LARGE1: variants seen among roughly 807,000 people sequenced by gnomAD.
LARGE1 encodes the protein LARGE xylosyl- and glucuronyltransferase 1, also known as xylosyl- and glucuronyltransferase LARGE1.
A neutral mutation model predicts 87.6 loss-of-function variants in LARGE1; 43 were observed. That is an observed-to-expected ratio of 0.49 (90% CI 0.38 to 0.63). The LOEUF (loss-of-function observed/expected upper bound fraction) is 0.63. LARGE1 is among the 30% of genes least tolerant of loss of function. The pLI is 0.00. For synonymous variants in LARGE1, 434 were observed against 394.6 expected, an observed-to-expected ratio of 1.10 and a Z score of -1.18; for missense variants, 802 against 1,000.2, an observed-to-expected ratio of 0.80 and a Z score of 2.67.
At chr22:33,637,888 G>T (rs1275214070) in intron 3 of LARGE1, among the ~76,000 whole-genome samples, 2 of 152,148 alleles carry the variant, frequency 1.3e-5, no homozygotes, top group Non-Finnish European at 2.9e-5. Flanking sequence ...GTTAAGTTTT[G>T]AGGGTACCTG....
At chr22:33,643,464 C>T (rs1223928330) in intron 3 of LARGE1, among the ~76,000 whole-genome samples, 1 of 151,944 alleles carries the variant, frequency 6.6e-6, no homozygotes, top group African/African-American at 2.4e-5. Flanking sequence ...AAAATTGACA[C>T]CCTAACAACT....
the LARGE1 span, among the ~76,000 whole-genome samples, chr22:33,148,250 G>A: frequency 6.6e-6 from 1 of 152,158 alleles, no homozygotes; most frequent in South Asian, 2.1e-4. Context: ...TGTGTAACCT[G>A]TTATAGCAAC....
intron 6 of LARGE1, among the ~76,000 whole-genome samples, chr22:33,490,330 C>A (rs1204165572): frequency 1.3e-5 from 2 of 152,154 alleles, no homozygotes; most frequent in Non-Finnish European, 2.9e-5. Flanking sequence ...AAAGAGGAAT[C>A]CCTGTCATTT....
chr22:33,575,270 G>C (rs1308122074), intron 5 of LARGE1, among the ~76,000 whole-genome samples: 1 of 152,168 alleles, frequency 6.6e-6, no homozygotes, highest in Admixed American at 6.5e-5. Context: ...ATAGCCCCAA[G>C]CTTAAGTGCC....
chr22:33,824,091 G>A (rs1446983365), intron 1 of LARGE1, among the ~76,000 whole-genome samples: 1 of 152,170 alleles, frequency 6.6e-6, no homozygotes, highest in African/African-American at 2.4e-5. Flanking sequence ...GAAAATGATA[G>A]ACCCAAAAGG....
At chr22:33,357,396 G>T (rs1215432925) in intron 9 of LARGE1, among the ~76,000 whole-genome samples, 1 of 152,128 alleles carries the variant, frequency 6.6e-6, no homozygotes, top group African/African-American at 2.4e-5. Context: ...ATTACGTAAT[G>T]GGTACAATGT....
At chr22:33,829,177 T>G (rs12053772) in intron 1 of LARGE1, among the ~76,000 whole-genome samples, 1 of 151,750 alleles carries the variant, frequency 6.6e-6, no homozygotes, top group South Asian at 2.1e-4. Context: ...CCTGGCTAAT[T>G]TTTGTATTTT....
At chr22:33,268,393 C>T (rs1055522042), downstream of LARGE1, among the ~76,000 whole-genome samples, 1 of 149,670 alleles carries the variant, frequency 6.7e-6, no homozygotes, top group African/African-American at 2.5e-5. Context: ...AGCATTTCAA[C>T]TGAAACTGAT....
At chr22:33,201,207 C>T (rs1440249796) in intron 11 of LARGE1, among the ~76,000 whole-genome samples, 6 of 152,058 alleles carry the variant, frequency 3.9e-5, no homozygotes, top group African/African-American at 1.4e-4. Context: ...ACTTGGGAGG[C>T]TGAGGCAGGA....
intron 2 of LARGE1, among the ~76,000 whole-genome samples, chr22:33,755,286 A>G (rs537410735): frequency 4.6e-5 from 7 of 152,248 alleles, no homozygotes; most frequent in African/African-American, 1.7e-4. Flanking sequence ...CCTTTTCATG[A>G]CACTGGTTTT....
chr22:33,209,351 C>T (rs1384821947), intron 11 of LARGE1, among the ~76,000 whole-genome samples: 1 of 152,168 alleles, frequency 6.6e-6, no homozygotes, highest in Non-Finnish European at 1.5e-5. Context: ...TTTCCTCCAA[C>T]ATTAGAGCTC....
chr22:33,915,705 C>G (rs1383134740), intron 1 of LARGE1, among the ~76,000 whole-genome samples: 1 of 152,188 alleles, frequency 6.6e-6, no homozygotes, highest in Non-Finnish European at 1.5e-5. Flanking sequence ...ATCTCGCAAC[C>G]ATTCTTGCCA....
chr22:33,434,092 C>A (rs1056422908), intron 6 of LARGE1, among the ~76,000 whole-genome samples: 3 of 152,180 alleles, frequency 2.0e-5, no homozygotes, highest in Admixed American at 2.0e-4. Flanking sequence ...CCATGTGCAA[C>A]AAGCTTAGGA....
chr22:33,784,985 A>G (rs779239745), intron 1 of LARGE1, among the ~76,000 whole-genome samples: 6 of 150,970 alleles, frequency 4.0e-5, no homozygotes, highest in African/African-American at 7.3e-5. Context: ...ATACATACAT[A>G]TGTGTACGTG....
chr22:33,583,065 T>C (rs2078569094), intron 5 of LARGE1, among the ~76,000 whole-genome samples: 2 of 152,328 alleles, frequency 1.3e-5, no homozygotes, highest in Admixed American at 1.3e-4. Context: ...CCTGTCTAGA[T>C]GACAAATAGG....
At chr22:33,594,129 C>T (rs1602618639) in intron 5 of LARGE1, among the ~76,000 whole-genome samples, 2 of 152,306 alleles carry the variant, frequency 1.3e-5, no homozygotes, top group South Asian at 4.1e-4. Context: ...AAATAATTTT[C>T]TAGGGTGTAC....
At chr22:33,896,302 GT>G in intron 1 of LARGE1, among the ~76,000 whole-genome samples, 1 of 152,130 alleles carries the variant, frequency 6.6e-6, no homozygotes, top group East Asian at 1.9e-4. Flanking sequence ...TTCCATGTAT[GT>G]CTACACCACA....
intron 3 of LARGE1, among the ~76,000 whole-genome samples, chr22:33,629,220 G>A (rs2080026121): frequency 6.6e-6 from 1 of 152,140 alleles, no homozygotes. Context: ...AAATGAATAG[G>A]AAAACGCCTG....
At chr22:33,157,803 A>T (rs1405652021), downstream of LARGE1, among the ~76,000 whole-genome samples, 1 of 152,216 alleles carries the variant, frequency 6.6e-6, no homozygotes, top group Non-Finnish European at 1.5e-5. Context: ...ATTACTTTTC[A>T]AGAAAAACTA....
Sources: gnomAD v4.1 joint callset for allele counts (sites outside exome capture counted in the v4.1 genomes callset) on GRCh38, gnomAD v4.1.1 for gene constraint, MANE v1.5 for transcripts, NCBI Gene and HGNC (gene_info 2026-07-23, HGNC 2026-07-21) for gene names.